The following ROR1 variants were observed in gnomAD, a reference collection of about 807,000 sequenced individuals.
The protein encoded by ROR1 is inactive tyrosine-protein kinase transmembrane receptor ROR1.
In ROR1, 19 loss-of-function variants were observed where a neutral mutation model predicts 78.8. That is an observed-to-expected ratio of 0.24 (90% CI 0.17 to 0.35). The LOEUF is 0.35. Ranked by LOEUF, ROR1 falls within the 10% of genes least tolerant of loss-of-function variation. ROR1 has a pLI of 1.00. For missense variants in ROR1, 917 were observed against 1,177.8 expected (o/e 0.78, Z 3.24); for synonymous variants, 386 against 433.6 (o/e 0.89, Z 1.36).
chr1:63,879,223 C>T (rs1227177525), intron 1 of ROR1, among the ~76,000 whole-genome samples: 1 of 152,156 alleles, frequency 6.6e-6, no homozygotes, highest in African/African-American at 2.4e-5. Flanking sequence ...GGAAGCTCAT[C>T]TGGAGTGATG....
At chr1:63,810,948 G>A (rs1458652490) in intron 1 of ROR1, among the ~76,000 whole-genome samples, 1 of 152,178 alleles carries the variant, frequency 6.6e-6, no homozygotes, top group African/African-American at 2.4e-5. Context: ...CCTGAATGTG[G>A]ACCCCAGGAA....
intron 4 of ROR1, among the ~76,000 whole-genome samples, chr1:64,065,949 G>A (rs148104283): frequency 7.9e-5 from 12 of 152,318 alleles, no homozygotes; most frequent in African/African-American, 2.9e-4. Flanking sequence ...GCCTTGCTTA[G>A]TATGTAAGTC....
intron 1 of ROR1, among the ~76,000 whole-genome samples, chr1:63,900,369 G>A (rs560158996): frequency 5.5e-5 from 8 of 146,472 alleles, no homozygotes; most frequent in African/African-American, 2.0e-4. Context: ...CAGGATAATC[G>A]CTTGAGCCTG....
chr1:63,822,197 C>T (rs1339736143), intron 1 of ROR1, among the ~76,000 whole-genome samples: 1 of 152,100 alleles, frequency 6.6e-6, no homozygotes, highest in Non-Finnish European at 1.5e-5. Context: ...ATGAAGGCAG[C>T]GATTTGCCTA....
intron 4 of ROR1, among the ~76,000 whole-genome samples, chr1:64,133,749 G>A (rs962153292): frequency 1.6e-4 from 25 of 152,172 alleles, no homozygotes; most frequent in Admixed American, 7.2e-4. Context: ...CCTTGGGCAC[G>A]CTCACTGCAA....
At chr1:63,794,216 G>A (rs866401343) in intron 1 of ROR1, among the ~76,000 whole-genome samples, 3 of 152,228 alleles carry the variant, frequency 2.0e-5, no homozygotes, top group East Asian at 3.9e-4. Context: ...TCAAAGCTTC[G>A]GTTTCCCCAT....
intron 1 of ROR1, among the ~76,000 whole-genome samples, chr1:63,876,388 G>A (rs115341868): frequency 2.0e-3 from 310 of 152,136 alleles, no homozygotes; most frequent in African/African-American, 6.4e-3. Flanking sequence ...ACTTGCACAC[G>A]TTTGCAATTC....
chr1:64,020,237 G>A (rs1167451207), intron 2 of ROR1, among the ~76,000 whole-genome samples: 1 of 152,198 alleles, frequency 6.6e-6, no homozygotes, highest in Non-Finnish European at 1.5e-5. Context: ...AGAGATTTAA[G>A]CAACTTGCCC....
At chr1:64,118,531 T>A (rs1270358072) in intron 4 of ROR1, among the ~76,000 whole-genome samples, 2 of 144,808 alleles carry the variant, frequency 1.4e-5, no homozygotes, top group African/African-American at 2.6e-5. Flanking sequence ...GGAGGCTGAG[T>A]CAGGAGAATT....
At chr1:64,132,397 T>C (rs1417540687) in intron 4 of ROR1, among the ~76,000 whole-genome samples, 1 of 152,148 alleles carries the variant, frequency 6.6e-6, no homozygotes, top group Non-Finnish European at 1.5e-5. Flanking sequence ...GTACCTGTTT[T>C]CAATTCTTTG....
intron 1 of ROR1, among the ~76,000 whole-genome samples, chr1:63,919,825 A>G (rs918112897): frequency 6.6e-6 from 1 of 152,172 alleles, no homozygotes; most frequent in African/African-American, 2.4e-5. Context: ...ATGCACAGTG[A>G]TCTATAACTT....
chr1:63,812,979 G>A (rs1001776056), intron 1 of ROR1, among the ~76,000 whole-genome samples: 1 of 151,938 alleles, frequency 6.6e-6, no homozygotes, highest in Non-Finnish European at 1.5e-5. Context: ...GCTTCTGAGT[G>A]CTGTTAGGTG....
At chr1:63,890,922 C>T (rs567706905) in intron 1 of ROR1, among the ~76,000 whole-genome samples, 1 of 152,212 alleles carries the variant, frequency 6.6e-6, no homozygotes, top group South Asian at 2.1e-4. Flanking sequence ...TCATTTATCA[C>T]CCAAAATATA....
At chr1:63,943,138 C>T (rs912606607) in intron 1 of ROR1, among the ~76,000 whole-genome samples, 3 of 150,240 alleles carry the variant, frequency 2.0e-5, no homozygotes, top group African/African-American at 7.3e-5. Flanking sequence ...AGCAGCCATG[C>T]CTATGAGCTA....
At position 63,782,557 on chromosome 1, in the gene ROR1, G is replaced by GTT. The variant is rs34238826; in HGVS notation, c.91+8059_91+8060dup. ...TGAGATTTTGAGGTTTTTTTTTTTT[G>GTT]TTTTTTTTTTTGTTACAGCTGCTAA... On this transcript the variant is annotated intron_variant, in intron 1 of 8. Transcript: ENST00000371079. Among the ~76,000 whole-genome samples the GTT allele has an allele frequency of 5.2e-5, 4 of 76,794 alleles. No individual in the cohort carries two copies. In the East Asian group the frequency reaches 9.3e-4, roughly 18 times the overall value. 50.4% of individuals were successfully genotyped at this position (76,794 alleles called of 152,430 possible). A position where few individuals can be genotyped will look rare whatever the true frequency, so the allele number is the denominator to read the frequency against.
chr1:63,842,340 A>G (rs1645054231), intron 1 of ROR1, among the ~76,000 whole-genome samples: 1 of 152,250 alleles, frequency 6.6e-6, no homozygotes, highest in Non-Finnish European at 1.5e-5. Context: ...AGCAATAGCC[A>G]GAGTATCAAC....
intron 7 of ROR1, among the ~76,000 whole-genome samples, chr1:64,144,253 G>T (rs1009947395): frequency 2.0e-5 from 3 of 152,144 alleles, no homozygotes; most frequent in African/African-American, 7.2e-5. Context: ...AAGAGTTTTT[G>T]TTCATGCTGA....
chr1:63,942,799 G>T (rs1645851775), intron 1 of ROR1, among the ~76,000 whole-genome samples: 1 of 151,940 alleles, frequency 6.6e-6, no homozygotes, highest in African/African-American at 2.4e-5. Flanking sequence ...CAAAATAAAT[G>T]ATAAAGTTGG....
intron 1 of ROR1, among the ~76,000 whole-genome samples, chr1:63,924,827 G>A (rs1645686206): frequency 6.6e-6 from 1 of 151,842 alleles, no homozygotes; most frequent in South Asian, 2.1e-4. Flanking sequence ...CTCTAAAGGA[G>A]TGACATCTAA....
Sources: allele counts gnomAD v4.1 joint callset (sites outside exome capture counted in the v4.1 genomes callset), GRCh38; gene constraint gnomAD v4.1.1; transcripts MANE v1.5; gene names NCBI Gene and HGNC (gene_info 2026-07-23, HGNC 2026-07-21).